DNAH2: variants seen among roughly 807,000 people sequenced by gnomAD.
The protein encoded by DNAH2 is dynein axonemal heavy chain 2, also known as axonemal beta dynein heavy chain 2.
DNAH2 carries 323 observed loss-of-function variants against 523.5 expected under a neutral mutation model. That is an observed-to-expected ratio of 0.62 (90% CI 0.56 to 0.68). The LOEUF (loss-of-function observed/expected upper bound fraction) is 0.68, where lower values mean the gene tolerates loss of function less well. DNAH2 is among the 30% of genes least tolerant of loss of function. DNAH2 has a pLI of 0.00. For synonymous variants in DNAH2, 2,093 were observed against 2,177.4 expected (o/e 0.96, Z 1.08); for missense variants, 4,907 against 5,701.5 (o/e 0.86, Z 4.49).
chr17:7,799,254 GAC>G lies in DNAH2; in HGVS notation c.8699+14_8699+15del. 1.2e-6 allele frequency: 2 copies of G among 1,613,138 alleles called. No individual in the cohort carries two copies. The highest frequency in any genetic ancestry group is 2.2e-5 in the South Asian group (2 of 91,060). On this transcript the variant is annotated intron_variant, in intron 56 of 85. Coordinates refer to ENST00000572933, the MANE Select transcript of DNAH2 (RefSeq NM_020877.5). ...GGGGATCCCTTCAGGTGACTTCTGTGACATCCTTCTCTCAGCCCCTTCTGTGT... is the reference window on the plus strand; with the variant it reads ...GGGGATCCCTTCAGGTGACTTCTGTGATCCTTCTCTCAGCCCCTTCTGTGT...
intron 32 of DNAH2, among the ~76,000 whole-genome samples, chr17:7,777,111 A>G (rs192984972): frequency 1.4e-3 from 207 of 151,016 alleles, no homozygotes; most frequent in African/African-American, 4.7e-3. Flanking sequence ...CCTGGGCGAC[A>G]GAACAAGACT....
intron 53 of DNAH2, 130 bp downstream of exon 53, chr17:7,797,959 C>T: frequency 7.1e-7 from 1 of 1,407,242 alleles, no homozygotes; most frequent in South Asian, 1.4e-5. Context: ...GCCCCAGATG[C>T]CCTGTGGCAG....
In DNAH2 at chr17:7,758,634, C is replaced by T. The variant is rs772733027; in HGVS notation, c.2191C>T (p.Arg731Cys). 8.7e-6 allele frequency: 14 copies of T among 1,612,878 alleles called. No homozygotes were observed. The highest frequency in any genetic ancestry group is 7.7e-5 in the South Asian group (7 of 90,844). Reference sequence around the variant, plus strand: ...CAGTGCCTTCTTCATCACGGAGTGCCGTATACATGCCAGCAAGGTGGGCCA... The same window carrying T: ...CAGTGCCTTCTTCATCACGGAGTGCTGTATACATGCCAGCAAGGTGGGCCA... ...GASAFFITECRIHASKVQMIV... is the reference protein window; with the variant it reads ...GASAFFITECCIHASKVQMIV... Residue 731 changes from arginine (R) to cysteine (C), a missense_variant, in exon 14 of 86, where the codon CGT becomes TGT. Arg to Cys is a radical substitution (Grantham distance 180, BLOSUM62 -3). Coordinates refer to ENST00000572933, the MANE Select transcript of DNAH2 (RefSeq NM_020877.5).
At position 7,817,607 on chromosome 17, in the gene DNAH2, A is replaced by G; in HGVS notation, c.10067A>G (p.Asn3356Ser). The G allele has an allele frequency of 6.2e-7, 1 of 1,614,090 alleles. No homozygotes were observed. Among genetic ancestry groups the G allele is most frequent in the South Asian group, 1.1e-5 (1 of 91,086 alleles). The stretch of plus-strand genomic sequence containing the variant: ...TGCTCCCCTTCTTTCGCCATCGATA[A>G]CTTCCTGTGCAATCCTACCAAAGTC... ...VPCSPSFAIDNFLCNPTKVRD... is the reference protein window; with the variant it reads ...VPCSPSFAIDSFLCNPTKVRD... Residue 3356 changes from asparagine (N) to serine (S), a missense_variant, in exon 66 of 86, where the codon AAC (asparagine) becomes AGC (serine). Transcript: ENST00000572933.
At chr17:7,787,735 TAAAAAA>T in intron 42 of DNAH2, 119 bp from the exon 43 acceptor site, 11 of 933,280 alleles carry the variant, frequency 1.2e-5, no homozygotes, top group South Asian at 2.1e-5. Flanking sequence ...GACTTTGTCT[TAAAAAA>T]AAAAAAAAAA....
In DNAH2 at chr17:7,828,215, T is replaced by C. The variant is rs2078073731; in HGVS notation, c.11854-2085T>C. Among the ~76,000 whole-genome samples the C allele has an allele frequency of 6.6e-6, 1 of 152,112 alleles. No homozygotes were observed. The highest frequency in any genetic ancestry group is 6.6e-5 in the Admixed American group (1 of 15,266). On this transcript the variant is annotated intron_variant, in intron 77 of 85. Transcript: ENST00000572933. The surrounding 1 kb of genome is among the most constrained non-coding windows in gnomAD (Gnocchi z 4.1). ...ATTACAGGTGTAACCCACAGTGCCA[T>C]GCTGATATACTTTAGTCTTAATTAC... is the stretch of plus-strand genomic sequence containing the variant.
At chr17:7,787,226 A>G (rs541449523) in intron 42 of DNAH2, 193 bp downstream of exon 42, 15 of 732,258 alleles carry the variant, frequency 2.0e-5, no homozygotes, top group Non-Finnish European at 3.3e-5. Flanking sequence ...GTTGAGAACA[A>G]TGATAAGAAA....
At chr17:7,792,193 T>C (rs1290115648) in intron 45 of DNAH2, 59 bp from the exon 46 acceptor site, 6 of 1,603,824 alleles carry the variant, frequency 3.7e-6, no homozygotes, top group Non-Finnish European at 5.1e-6. Context: ...GGGCCCGTTC[T>C]CTGGGCTGGA....
chr17:7,747,262 C>G (rs1374165174), intron 12 of DNAH2, among the ~76,000 whole-genome samples: 3 of 151,932 alleles, frequency 2.0e-5, no homozygotes, highest in African/African-American at 7.3e-5. Context: ...AGCCACTGCA[C>G]CCCGTCACAC....
At chr17:7,814,194 A>G (rs2077595915) in intron 63 of DNAH2, among the ~76,000 whole-genome samples, 1 of 151,498 alleles carries the variant, frequency 6.6e-6, no homozygotes, top group South Asian at 2.1e-4. Context: ...CCAAAAAAAA[A>G]AAAAAAAAAA....
At chr17:7,767,607 A>G (rs898872010) in intron 22 of DNAH2, among the ~76,000 whole-genome samples, 14 of 112,478 alleles carry the variant, frequency 1.2e-4, no homozygotes, top group Non-Finnish European at 2.0e-5. Flanking sequence ...ACACTTATTT[A>G]CCTTTTTTTT....
In DNAH2 at chr17:7,780,167, C is replaced by T; in HGVS notation, c.5733C>T (p.Gly1911=). The T allele has an allele frequency of 1.2e-6, 2 of 1,612,942 alleles. No homozygotes were observed. Among genetic ancestry groups the T allele is most frequent in the Non-Finnish European group, 1.7e-6 (2 of 1,179,508 alleles). Residue 1911 remains glycine, a synonymous_variant, in exon 37 of 86, where the codon GGC becomes GGT. Transcript: ENST00000572933. The surrounding 1 kb of genome is among the most constrained non-coding windows in gnomAD (Gnocchi z 4.4). ...IFITMNPGYA[G]RTELPENLKS... is the part of the protein sequence containing the mutation. ...GGCATTGTTTTCCAGGCTATGCTGGCCGCACAGAGCTTCCCGAAAATCTTA... is the reference window on the plus strand; with the variant it reads ...GGCATTGTTTTCCAGGCTATGCTGGTCGCACAGAGCTTCCCGAAAATCTTA...
intron 56 of DNAH2, among the ~76,000 whole-genome samples, chr17:7,800,380 T>G (rs556365363): frequency 1.3e-5 from 2 of 152,252 alleles, no homozygotes; most frequent in South Asian, 4.1e-4. Context: ...CTTGCTTATT[T>G]CACTTAGCGT....
At chr17:7,731,175 T>C (rs1567608235) in intron 4 of DNAH2, among the ~76,000 whole-genome samples, 1 of 151,222 alleles carries the variant, frequency 6.6e-6, no homozygotes, top group Non-Finnish European at 1.5e-5. Context: ...AAAAAGAAAA[T>C]CAATGCCATG....
chr17:7,805,333 C>A lies in DNAH2; in HGVS notation c.9382C>A (p.Gln3128Lys). Residue 3128 changes from glutamine (Q) to lysine (K), a missense_variant, in exon 61 of 86, where the codon CAG becomes AAG. Transcript: ENST00000572933. ...RPPAQVEIVM[Q>K]AVMILRGNEP... ...CCCAGCCCAAGTGGAGATAGTGATGCAGGCAGTTATGATTCTTCGAGGCAA... is the reference window on the plus strand; with the variant it reads ...CCCAGCCCAAGTGGAGATAGTGATGAAGGCAGTTATGATTCTTCGAGGCAA... The A allele has an allele frequency of 3.7e-6, 6 of 1,614,212 alleles. No homozygotes were observed. The highest frequency in any genetic ancestry group is 5.1e-6 in the Non-Finnish European group (6 of 1,180,036).
intron 63 of DNAH2, among the ~76,000 whole-genome samples, chr17:7,815,651 C>T (rs987041166): frequency 4.0e-5 from 6 of 150,862 alleles, no homozygotes; most frequent in Non-Finnish European, 5.9e-5. Context: ...CACACGTATA[C>T]GGGATCACAC....
intron 30 of DNAH2, among the ~76,000 whole-genome samples, chr17:7,775,691 CA>C (rs1184382847): frequency 1.9e-3 from 156 of 82,806 alleles, no homozygotes; most frequent in East Asian, 5.6e-3. Flanking sequence ...GTCTCAAAAC[CA>C]AAAAAAAAAA....
At position 7,759,119 on chromosome 17, in the gene DNAH2, C is replaced by A. The variant is rs142532084; in HGVS notation, c.2443C>A (p.Pro815Thr). 6.2e-7 allele frequency: 1 copy of A among 1,613,764 alleles called. No homozygotes were observed. The highest frequency in any genetic ancestry group is 8.5e-7 in the Non-Finnish European group (1 of 1,179,960). Residue 815 changes from proline (P) to threonine (T), a missense_variant, in exon 15 of 86, where the codon CCT becomes ACT. By Grantham distance (38) the Pro-to-Thr change is conservative (BLOSUM62 -1). Coordinates refer to ENST00000572933, the MANE Select transcript of DNAH2 (RefSeq NM_020877.5). ...CTATGAGGTCTTCAAGAATGATGGT[C>A]CTGAGGTAGGGTTCCTGTGGCCAGG... is the stretch of plus-strand genomic sequence containing the variant. ...NSYEVFKNDG[P>T]EIQQQWMLYM...
At position 7,823,446 on chromosome 17, in the gene DNAH2, T is replaced by G; in HGVS notation, c.11147T>G (p.Leu3716Trp). Residue 3716 changes from leucine (L) to tryptophan (W), a missense_variant, in exon 74 of 86, where the codon TTG becomes TGG. This residue lies in a region of DNAH2 where 1,851 missense variants were observed against 2,139.4 expected (regional missense o/e 0.87). Coordinates refer to ENST00000572933, the MANE Select transcript of DNAH2 (RefSeq NM_020877.5). ...YNFFLRGGVV[L>W]DREGQMDNPC... Reference sequence around the variant, plus strand: ...TTCCTCCCCTTCTCCCACCAGGTCTTGGATCGGGAGGGCCAAATGGACAAT... The same window carrying G: ...TTCCTCCCCTTCTCCCACCAGGTCTGGGATCGGGAGGGCCAAATGGACAAT... 1.2e-6 allele frequency: 2 copies of G among 1,613,484 alleles called. No homozygotes were observed. Among genetic ancestry groups the G allele is most frequent in the South Asian group, 2.2e-5 (2 of 91,062 alleles).
Sources: gnomAD v4.1 joint callset for allele counts (sites outside exome capture counted in the v4.1 genomes callset) on GRCh38, gnomAD v4.1.1 for gene constraint, gnomAD v4.1.1 regional missense constraint, Gnocchi (gnomAD v3.1) non-coding constraint, MANE v1.5 for transcripts, NCBI Gene and HGNC (gene_info 2026-07-23, HGNC 2026-07-21) for gene names.